The following DIS3L2 variants were observed in gnomAD, a reference collection of about 807,000 sequenced individuals.
DIS3L2 encodes the protein DIS3 like 3'-5' exoribonuclease 2, also known as DIS3-like exonuclease 2.
In DIS3L2, 34 loss-of-function variants were observed where a neutral mutation model predicts 97.5. The ratio of observed to expected loss-of-function variants is 0.35; its 90% CI spans 0.27 to 0.46. DIS3L2 has a LOEUF of 0.46. Among genes scored for constraint, DIS3L2 ranks in the 20% least tolerant of loss-of-function variants. The probability of loss-of-function intolerance (pLI) is 1.00; values close to 1 mark genes in which losing one functional copy is unlikely to be tolerated. For synonymous variants in DIS3L2, 435 were observed against 445.2 expected (o/e 0.98, Z 0.29); for missense variants, 1,038 against 1,146.0 (o/e 0.91, Z 1.36).
At chr2:232,302,272 G>A (rs1315723256) in intron 14 of DIS3L2, among the ~76,000 whole-genome samples, 1 of 151,722 alleles carries the variant, frequency 6.6e-6, no homozygotes, top group African/African-American at 2.4e-5. Context: ...AGCATTAGGA[G>A]ATATACCTAA....
intron 1 of DIS3L2, among the ~76,000 whole-genome samples, chr2:232,011,542 A>G (rs1157024814): frequency 6.6e-6 from 1 of 151,990 alleles, no homozygotes; most frequent in Non-Finnish European, 1.5e-5. Flanking sequence ...TAGTAGAGAC[A>G]GGGTTTCTCT....
At chr2:232,029,885 G>C (rs1483534173) in intron 4 of DIS3L2, 94 bp from the exon 5 acceptor site, 3 of 847,126 alleles carry the variant, frequency 3.5e-6, no homozygotes, top group Non-Finnish European at 5.6e-6. Flanking sequence ...AGAATAACTT[G>C]CTGTTTTCTA....
At chr2:232,252,988 A>G (rs185793781) in intron 12 of DIS3L2, among the ~76,000 whole-genome samples, 10 of 152,308 alleles carry the variant, frequency 6.6e-5, no homozygotes, top group Admixed American at 4.6e-4. Context: ...CATCTCCCCA[A>G]AATACCCAAG....
chr2:232,289,698 A>C (rs919199442), intron 13 of DIS3L2, among the ~76,000 whole-genome samples: 2 of 152,250 alleles, frequency 1.3e-5, no homozygotes, highest in Non-Finnish European at 2.9e-5. Flanking sequence ...ACACATAACT[A>C]TCCTCTATCC....
intron 5 of DIS3L2, among the ~76,000 whole-genome samples, chr2:232,046,141 C>A (rs1035205928): frequency 1.8e-4 from 27 of 152,162 alleles, no homozygotes; most frequent in African/African-American, 6.3e-4. Flanking sequence ...GATGCACTAT[C>A]TTCAGTCTGT....
At chr2:232,058,136 T>C (rs149529498) in intron 5 of DIS3L2, among the ~76,000 whole-genome samples, 13 of 152,344 alleles carry the variant, frequency 8.5e-5, no homozygotes, top group African/African-American at 2.9e-4. Flanking sequence ...CCCTCTGTCC[T>C]TGCTCTCATT....
chr2:232,222,589 A>G (rs533626518), intron 10 of DIS3L2, among the ~76,000 whole-genome samples: 75 of 151,778 alleles, frequency 4.9e-4, no homozygotes, highest in African/African-American at 1.5e-3. Context: ...TGCTGCCTCA[A>G]CCTCCCTAGT....
rs371009583 is a variant in DIS3L2, at chr2:232,069,409, G to A, written c.367-18078G>A. Among the ~76,000 whole-genome samples the A allele has an allele frequency of 9.4e-4, 143 of 152,298 alleles. 2 individuals are homozygous for A. The Middle Eastern group carries it at 0.014, about 14-fold the overall frequency. ...TAGGCTTCTGTGTATTGTTTTATCAGTGTAGTGTTCTATGAATAAAAATAC... is the reference window on the plus strand; with the variant it reads ...TAGGCTTCTGTGTATTGTTTTATCAATGTAGTGTTCTATGAATAAAAATAC... On this transcript the variant is annotated intron_variant, in intron 5 of 20. Coordinates refer to ENST00000325385, the MANE Select transcript of DIS3L2 (RefSeq NM_152383.5).
At chr2:232,314,478 C>T (rs138070551) in intron 14 of DIS3L2, among the ~76,000 whole-genome samples, 62 of 152,174 alleles carry the variant, frequency 4.1e-4, no homozygotes, top group Non-Finnish European at 5.3e-4. Context: ...CTCCCTAGCC[C>T]GAGAATGCCC....
chr2:232,130,855 G>T, intron 7 of DIS3L2, 136 bp downstream of exon 7: 1 of 1,230,544 alleles, frequency 8.1e-7, no homozygotes, highest in African/African-American at 1.6e-5. Context: ...CATAAAAAGT[G>T]AATTAAAAAA....
chr2:232,288,657 G>GT (rs1694514095), intron 13 of DIS3L2, among the ~76,000 whole-genome samples: 1 of 152,152 alleles, frequency 6.6e-6, no homozygotes, highest in Admixed American at 6.5e-5. Flanking sequence ...GTTCTCTGCT[G>GT]TTTTTTCAAG....
At chr2:232,199,394 A>G (rs1432063717) in intron 9 of DIS3L2, among the ~76,000 whole-genome samples, 1 of 152,188 alleles carries the variant, frequency 6.6e-6, no homozygotes, top group Non-Finnish European at 1.5e-5. Context: ...GGTGATTCCT[A>G]ACAGGTAGAG....
intron 9 of DIS3L2, among the ~76,000 whole-genome samples, chr2:232,181,421 C>T (rs1471526593): frequency 2.6e-5 from 4 of 152,112 alleles, no homozygotes; most frequent in Non-Finnish European, 5.9e-5. Context: ...CAACTTGGTT[C>T]CATTCTCCCC....
intron 13 of DIS3L2, among the ~76,000 whole-genome samples, chr2:232,287,765 A>G (rs1216475578): frequency 2.0e-5 from 3 of 152,102 alleles, no homozygotes; most frequent in Non-Finnish European, 4.4e-5. Context: ...TATTAACAGT[A>G]AACTTTTGTC....
chr2:232,235,903 C>CT (rs1183954541), intron 10 of DIS3L2, among the ~76,000 whole-genome samples: 5 of 152,246 alleles, frequency 3.3e-5, no homozygotes, highest in Admixed American at 3.3e-4. Flanking sequence ...AGCGACACAG[C>CT]TGCGTGCCTG....
intron 11 of DIS3L2, among the ~76,000 whole-genome samples, chr2:232,247,052 G>A (rs1243666286): frequency 6.6e-6 from 1 of 152,166 alleles, no homozygotes; most frequent in Admixed American, 6.5e-5. Flanking sequence ...ATAATGCATT[G>A]TCAGATGCTC....
intron 1 of DIS3L2, among the ~76,000 whole-genome samples, chr2:231,984,553 ATTTT>A (rs780406388): frequency 7.1e-6 from 1 of 140,168 alleles, no homozygotes; most frequent in African/African-American, 2.6e-5. Context: ...CGCCCGGCTA[ATTTT>A]TTTTTTTTTG....
intron 15 of DIS3L2, among the ~76,000 whole-genome samples, chr2:232,330,318 G>A (rs542771161): frequency 2.0e-5 from 3 of 152,186 alleles, no homozygotes; most frequent in African/African-American, 4.8e-5. Context: ...TAGGAATCCC[G>A]GGAATGTTCC....
At chr2:232,208,938 G>A (rs1019145704) in intron 9 of DIS3L2, among the ~76,000 whole-genome samples, 3 of 151,836 alleles carry the variant, frequency 2.0e-5, no homozygotes, top group Non-Finnish European at 2.9e-5. Flanking sequence ...TGAGGTGGGA[G>A]GATTATTTGA....
Sources: allele counts gnomAD v4.1 joint callset (sites outside exome capture counted in the v4.1 genomes callset), GRCh38; gene constraint gnomAD v4.1.1; transcripts MANE v1.5; gene names NCBI Gene and HGNC (gene_info 2026-07-23, HGNC 2026-07-21).